DPP6: variants seen among roughly 807,000 people sequenced by gnomAD.
DPP6 encodes dipeptidyl peptidase like 6.
Under a neutral mutation model 122.6 loss-of-function variants are expected in DPP6, and 69 were observed. The observed-to-expected ratio is 0.56, with a 90% CI of 0.46 to 0.69. The LOEUF is 0.69. Ranked by LOEUF, DPP6 falls within the 30% of genes least tolerant of loss-of-function variation. The probability of loss-of-function intolerance (pLI) is 0.00; values close to 1 mark genes in which losing one functional copy is unlikely to be tolerated. For synonymous variants in DPP6, 418 were observed against 433.1 expected (o/e 0.97, Z 0.43); for missense variants, 928 against 1,116.9 (o/e 0.83, Z 2.41).
the DPP6 span, among the ~76,000 whole-genome samples, chr7:153,868,857 G>T: frequency 1.1e-4 from 17 of 152,100 alleles, 1 homozygote; most frequent in Admixed American, 9.8e-4. Context: ...TTTTGTCTTT[G>T]TTCTCGTTGG....
At chr7:154,279,131 G>A (rs1182935560) in intron 1 of DPP6, among the ~76,000 whole-genome samples, 1 of 151,234 alleles carries the variant, frequency 6.6e-6, no homozygotes, top group East Asian at 1.9e-4. Flanking sequence ...GGGCATGTGT[G>A]TGTATCTATG....
chr7:154,835,432 C>T (rs1997094), intron 16 of DPP6, among the ~76,000 whole-genome samples: 15,432 of 152,222 alleles, frequency 0.1, 926 homozygotes, highest in African/African-American at 0.16. Flanking sequence ...TCTGTGGGAC[C>T]TTGTTAGGAC....
intron 1 of DPP6, among the ~76,000 whole-genome samples, chr7:154,252,811 T>G (rs917010692): frequency 6.6e-6 from 1 of 152,250 alleles, no homozygotes; most frequent in Non-Finnish European, 1.5e-5. Flanking sequence ...CAGCAACTAC[T>G]GTCAAAATTG....
intron 3 of DPP6, among the ~76,000 whole-genome samples, chr7:154,508,652 C>T (rs1167174982): frequency 6.6e-6 from 1 of 152,176 alleles, no homozygotes; most frequent in Non-Finnish European, 1.5e-5. Flanking sequence ...TCACTTCTGC[C>T]TCCACTTGTG....
At chr7:154,523,666 T>G (rs572039495) in intron 3 of DPP6, among the ~76,000 whole-genome samples, 9 of 152,346 alleles carry the variant, frequency 5.9e-5, no homozygotes, top group Non-Finnish European at 1.2e-4. Context: ...CTCCTCTTTT[T>G]TCTGTGATAT....
At chr7:154,417,189 AC>A (rs2151218875) in intron 1 of DPP6, among the ~76,000 whole-genome samples, 1 of 152,274 alleles carries the variant, frequency 6.6e-6, no homozygotes, top group African/African-American at 2.4e-5. Context: ...ACATCTCCCC[AC>A]CAATTACTTT....
At position 154,312,914 on chromosome 7, in the gene DPP6, T is replaced by C. The variant is rs543126377; in HGVS notation, c.244-133300T>C. On this transcript the variant is annotated intron_variant, in intron 1 of 25. Coordinates refer to ENST00000377770, the MANE Select transcript of DPP6 (RefSeq NM_130797.4). ...TGACAGAGGTGGTCTTGAATAGTAATGATATATGTTTCCAAATTAATGAAA... is the reference window on the plus strand; with the variant it reads ...TGACAGAGGTGGTCTTGAATAGTAACGATATATGTTTCCAAATTAATGAAA... Among the ~76,000 whole-genome samples, 70 of 152,332 alleles carry C rather than the reference T, an allele frequency of 4.6e-4. 1 individual carries two copies. The highest frequency in any genetic ancestry group is 1.6e-3 in the African/African-American group (65 of 41,572).
chr7:154,264,041 C>T (rs762865833), intron 1 of DPP6, among the ~76,000 whole-genome samples: 2 of 152,058 alleles, frequency 1.3e-5, no homozygotes, highest in Non-Finnish European at 2.9e-5. Context: ...GAAGGTGGTA[C>T]ACTATAAAGA....
At chr7:154,232,773 G>A (rs1447479351) in intron 1 of DPP6, among the ~76,000 whole-genome samples, 2 of 152,178 alleles carry the variant, frequency 1.3e-5, no homozygotes, top group Non-Finnish European at 2.9e-5. Flanking sequence ...AGCTATATTT[G>A]TGTTTGTATC....
intron 16 of DPP6, among the ~76,000 whole-genome samples, chr7:154,839,220 A>G (rs986862063): frequency 6.6e-5 from 10 of 152,246 alleles, no homozygotes; most frequent in African/African-American, 2.4e-4. Flanking sequence ...CTTTAAGATG[A>G]GTGGTGGTAT....
chr7:154,042,509 A>C (rs1488423789), intron 1 of DPP6, among the ~76,000 whole-genome samples: 1 of 152,214 alleles, frequency 6.6e-6, no homozygotes, highest in African/African-American at 2.4e-5. Context: ...TGTTCGGTGC[A>C]GTACAAACGT....
chr7:154,714,415 G>A (rs189168028), intron 7 of DPP6, among the ~76,000 whole-genome samples: 104 of 152,312 alleles, frequency 6.8e-4, no homozygotes, highest in Non-Finnish European at 1.2e-3. Context: ...AAATACCTGA[G>A]ACTGGGTAGT....
chr7:154,222,524 G>A (rs7795306), intron 1 of DPP6, among the ~76,000 whole-genome samples: 124,787 of 146,904 alleles, frequency 0.85, 53,953 homozygotes, highest in African/African-American at 0.89. Flanking sequence ...GCGTGGTGGC[G>A]CACGCCTGTA....
chr7:154,621,159 A>G (rs1424881950), intron 5 of DPP6, among the ~76,000 whole-genome samples: 1 of 152,052 alleles, frequency 6.6e-6, no homozygotes, highest in Non-Finnish European at 1.5e-5. Context: ...TTTCCTCCCT[A>G]TCTGAGAAGT....
chr7:154,652,004 G>A (rs1376167793), intron 6 of DPP6, among the ~76,000 whole-genome samples: 1 of 152,184 alleles, frequency 6.6e-6, no homozygotes. Context: ...TATCCCTTAA[G>A]AATTTAAAGG....
chr7:153,978,840 CA>C (rs1236987104), intron 1 of DPP6, among the ~76,000 whole-genome samples: 1 of 151,918 alleles, frequency 6.6e-6, no homozygotes, highest in Non-Finnish European at 1.5e-5. Context: ...TTAGGTTTGT[CA>C]AAGATCAGAT....
chr7:153,781,569 T>G, the DPP6 span, among the ~76,000 whole-genome samples: 18 of 152,282 alleles, frequency 1.2e-4, no homozygotes, highest in Admixed American at 9.8e-4. Flanking sequence ...AGGAGAATAG[T>G]TTTCCCTGTG....
intron 5 of DPP6, among the ~76,000 whole-genome samples, chr7:154,599,394 A>G (rs891957776): frequency 4.6e-5 from 7 of 152,176 alleles, no homozygotes; most frequent in African/African-American, 1.4e-4. Flanking sequence ...CACTTTTTAT[A>G]TGGAGAAAAC....
intron 1 of DPP6, among the ~76,000 whole-genome samples, chr7:154,010,401 T>A (rs1320552343): frequency 6.6e-6 from 1 of 152,230 alleles, no homozygotes; most frequent in African/African-American, 2.4e-5. Flanking sequence ...AGACCACTAT[T>A]CAGTTGTCAT....
Sources: allele counts gnomAD v4.1 joint callset (sites outside exome capture counted in the v4.1 genomes callset), GRCh38; gene constraint gnomAD v4.1.1; transcripts MANE v1.5; gene names NCBI Gene and HGNC (gene_info 2026-07-23, HGNC 2026-07-21).